Variants in SGCG observed in about 807,000 individuals in gnomAD.
The protein encoded by SGCG is sarcoglycan gamma, also known as gamma-sarcoglycan.
In SGCG, 26 loss-of-function variants were observed where a neutral mutation model predicts 29.3. The observed-to-expected ratio is 0.89, with a 90% CI of 0.65 to 1.23. SGCG has a LOEUF of 1.23. SGCG is among the 50% of genes most tolerant of loss of function. The probability of loss-of-function intolerance (pLI) is 0.00; values close to 1 mark genes in which losing one functional copy is unlikely to be tolerated. For synonymous variants in SGCG, 145 were observed against 129.7 expected (o/e 1.12, Z -0.80); for missense variants, 353 against 356.0 (o/e 0.99, Z 0.07).
intron 4 of SGCG, among the ~76,000 whole-genome samples, chr13:23,276,739 G>A (rs938774810): frequency 7.9e-5 from 12 of 152,220 alleles, no homozygotes; most frequent in African/African-American, 2.4e-4. Context: ...CCAGCAGGAA[G>A]CATGAACTCT....
At chr13:23,183,907 C>T (rs909148213) in intron 1 of SGCG, among the ~76,000 whole-genome samples, 1 of 152,006 alleles carries the variant, frequency 6.6e-6, no homozygotes, top group Non-Finnish European at 1.5e-5. Flanking sequence ...ACCTCGTGAT[C>T]CACCCGCCTC....
At chr13:23,197,259 C>T (rs565578496) in intron 1 of SGCG, among the ~76,000 whole-genome samples, 4 of 152,244 alleles carry the variant, frequency 2.6e-5, no homozygotes, top group South Asian at 4.1e-4. Context: ...ATACTGGTCA[C>T]GGTCACCTAG....
At chr13:23,164,385 T>A in the SGCG span, among the ~76,000 whole-genome samples, 9 of 152,326 alleles carry the variant, frequency 5.9e-5, no homozygotes, top group South Asian at 8.3e-4. Flanking sequence ...AGGTGTTTCA[T>A]TTCATGTCAC....
At chr13:23,294,037 A>G (rs1412777803) in intron 5 of SGCG, among the ~76,000 whole-genome samples, 1 of 152,162 alleles carries the variant, frequency 6.6e-6, no homozygotes, top group Non-Finnish European at 1.5e-5. Flanking sequence ...CTTGCCTTCT[A>G]CAAAGCCATG....
At chr13:23,237,021 A>T (rs1879341015) in intron 3 of SGCG, among the ~76,000 whole-genome samples, 1 of 152,222 alleles carries the variant, frequency 6.6e-6, no homozygotes, top group Admixed American at 6.5e-5. Context: ...GCAATTTTCC[A>T]TAAAATTACA....
chr13:23,179,394 T>C (rs1876658036), upstream of SGCG, among the ~76,000 whole-genome samples: 1 of 152,166 alleles, frequency 6.6e-6, no homozygotes, highest in Admixed American at 6.6e-5. Context: ...TACAAAGCAG[T>C]TCCCAAAACA....
rs1163869855 is a variant in SGCG, at chr13:23,226,731, G to A, written c.196-7880G>A. ...AATTCATAGAGACAGAAAGTAGAAT[G>A]TTGGTTACCAGGGGCTGGGGGCAGG... On this transcript the variant is annotated intron_variant, in intron 2 of 7. Transcript: ENST00000218867. 2.0e-5 allele frequency among the ~76,000 whole-genome samples: 3 copies of A among 152,342 alleles called. No homozygotes were observed. The East Asian group carries it at 5.8e-4, about 29-fold the overall frequency.
At chr13:23,234,808 C>A in intron 3 of SGCG, 96 bp downstream of exon 3, 2 of 841,862 alleles carry the variant, frequency 2.4e-6, no homozygotes, top group South Asian at 2.7e-5. Flanking sequence ...ATTTTTAAAG[C>A]GCATACATGT....
intron 6 of SGCG, among the ~76,000 whole-genome samples, chr13:23,318,492 C>T (rs1882916146): frequency 6.6e-6 from 1 of 150,856 alleles, no homozygotes; most frequent in African/African-American, 2.4e-5. Context: ...TACACACACA[C>T]ATAAGCATTT....
intron 6 of SGCG, among the ~76,000 whole-genome samples, chr13:23,300,657 G>A (rs73441011): frequency 0.031 from 4,756 of 152,092 alleles, 274 homozygotes; most frequent in African/African-American, 0.11. Flanking sequence ...TAGGAACTCC[G>A]AGGTGGCAAA....
chr13:23,276,581 C>T (rs1292790317), intron 4 of SGCG, among the ~76,000 whole-genome samples: 3 of 151,976 alleles, frequency 2.0e-5, no homozygotes, highest in East Asian at 1.9e-4. Context: ...TACAGGCGCA[C>T]GCCGCCACAC....
chr13:23,288,903 C>G (rs1593090730), intron 5 of SGCG, among the ~76,000 whole-genome samples: 1 of 152,130 alleles, frequency 6.6e-6, no homozygotes, highest in African/African-American at 2.4e-5. Context: ...TTTCCCACCA[C>G]TAATAAGAAA....
At chr13:23,272,280 G>C (rs966030100) in intron 4 of SGCG, among the ~76,000 whole-genome samples, 2 of 152,126 alleles carry the variant, frequency 1.3e-5, no homozygotes, top group Non-Finnish European at 2.9e-5. Context: ...TAAAATACTT[G>C]CCTTAGGGTT....
intron 2 of SGCG, among the ~76,000 whole-genome samples, chr13:23,221,341 G>A (rs7327213): frequency 0.77 from 117,445 of 152,180 alleles, 45,506 homozygotes; most frequent in East Asian, 0.92. Context: ...TTTGAATTAG[G>A]ACTATATAAC....
the SGCG span, among the ~76,000 whole-genome samples, chr13:23,173,531 C>A: frequency 6.6e-6 from 1 of 152,186 alleles, no homozygotes; most frequent in Admixed American, 6.5e-5. Flanking sequence ...TTCTCTATAT[C>A]CAGACTTCTG....
chr13:23,176,832 C>T (rs1480711148), upstream of SGCG, among the ~76,000 whole-genome samples: 1 of 151,876 alleles, frequency 6.6e-6, no homozygotes, highest in Non-Finnish European at 1.5e-5. Context: ...TGTTGTTTAC[C>T]TTTGTGGTTT....
chr13:23,300,867 G>A (rs538681993), intron 6 of SGCG, among the ~76,000 whole-genome samples: 1 of 148,280 alleles, frequency 6.7e-6, no homozygotes, highest in Admixed American at 6.7e-5. Context: ...TGTAATCCCA[G>A]CACTTTGGGA....
At chr13:23,224,316 C>A (rs1332541751) in intron 2 of SGCG, among the ~76,000 whole-genome samples, 1 of 152,230 alleles carries the variant, frequency 6.6e-6, no homozygotes, top group Non-Finnish European at 1.5e-5. Context: ...TCCCATTCCA[C>A]ACTGTTCTCT....
intron 1 of SGCG, among the ~76,000 whole-genome samples, chr13:23,182,681 T>C (rs952305934): frequency 6.6e-6 from 1 of 152,156 alleles, no homozygotes; most frequent in African/African-American, 2.4e-5. Context: ...ATTTAGTAAT[T>C]TGTGAATGGT....
Sources: gnomAD v4.1 joint callset for allele counts (sites outside exome capture counted in the v4.1 genomes callset) on GRCh38, gnomAD v4.1.1 for gene constraint, MANE v1.5 for transcripts, NCBI Gene and HGNC (gene_info 2026-07-23, HGNC 2026-07-21) for gene names.